BTRC: variants seen among roughly 807,000 people sequenced by gnomAD.
The protein encoded by BTRC is beta-transducin repeat containing E3 ubiquitin protein ligase.
In BTRC, 42 loss-of-function variants were observed where a neutral mutation model predicts 85.5. The ratio of observed to expected loss-of-function variants is 0.49; its 90% CI spans 0.38 to 0.64. The LOEUF is 0.64. Ranked by LOEUF, BTRC falls within the 30% of genes least tolerant of loss-of-function variation. The pLI is 0.00. For synonymous variants in BTRC, 255 were observed against 263.3 expected (o/e 0.97, Z 0.30); for missense variants, 594 against 743.5 (o/e 0.80, Z 2.34).
intron 13 of BTRC, among the ~76,000 whole-genome samples, chr10:101,545,801 CAGA>C: frequency 6.6e-6 from 1 of 152,240 alleles, no homozygotes; most frequent in East Asian, 1.9e-4. Flanking sequence ...TAACACTAGT[CAGA>C]AGAAAGTTGG....
intron 4 of BTRC, among the ~76,000 whole-genome samples, chr10:101,487,181 G>A (rs1466366791): frequency 2.0e-5 from 3 of 152,146 alleles, no homozygotes; most frequent in Non-Finnish European, 4.4e-5. Flanking sequence ...AGGGTTTCTT[G>A]TTATATAAGG....
intron 6 of BTRC, among the ~76,000 whole-genome samples, chr10:101,530,882 A>G (rs1450629862): frequency 1.3e-5 from 2 of 152,210 alleles, no homozygotes; most frequent in African/African-American, 4.8e-5. Context: ...CCTTATAAAT[A>G]TATAATGTCG....
intron 1 of BTRC, among the ~76,000 whole-genome samples, chr10:101,390,195 T>C (rs753278230): frequency 6.6e-6 from 1 of 152,206 alleles, no homozygotes; most frequent in Non-Finnish European, 1.5e-5. Context: ...GTCACTCACT[T>C]TCTTTTTTTT....
At chr10:101,363,175 G>GCAT (rs1252456292) in intron 1 of BTRC, among the ~76,000 whole-genome samples, 1 of 152,278 alleles carries the variant, frequency 6.6e-6, no homozygotes, top group East Asian at 1.9e-4. Context: ...GATAGATTCA[G>GCAT]TATTATTATT....
At chr10:101,383,326 T>C (rs1279098321) in intron 1 of BTRC, among the ~76,000 whole-genome samples, 3 of 151,854 alleles carry the variant, frequency 2.0e-5, no homozygotes, top group Admixed American at 1.3e-4. Flanking sequence ...TTCTAACTAG[T>C]TTATAGGTGA....
intron 1 of BTRC, among the ~76,000 whole-genome samples, chr10:101,417,100 A>G (rs1438959289): frequency 6.6e-6 from 1 of 152,156 alleles, no homozygotes; most frequent in African/African-American, 2.4e-5. Flanking sequence ...AAACCAGAAC[A>G]TTCTCCCATA....
chr10:101,360,617 C>T (rs536750659), intron 1 of BTRC, among the ~76,000 whole-genome samples: 8 of 151,912 alleles, frequency 5.3e-5, no homozygotes, highest in Admixed American at 1.3e-4. Flanking sequence ...GTGATCCGAC[C>T]GCCTCGGCCT....
At chr10:101,385,366 CAAAAAA>C (rs10718968) in intron 1 of BTRC, among the ~76,000 whole-genome samples, 1 of 82,924 alleles carries the variant, frequency 1.2e-5, no homozygotes, top group African/African-American at 4.3e-5. Flanking sequence ...GACTCTGTCT[CAAAAAA>C]AAAAAAAAAA....
intron 1 of BTRC, among the ~76,000 whole-genome samples, chr10:101,372,240 C>T (rs1051864998): frequency 8.6e-5 from 13 of 151,080 alleles, no homozygotes; most frequent in South Asian, 2.1e-4. Context: ...TGGCCTTTTG[C>T]GTTTTCTTTT....
chr10:101,371,420 G>T (rs990658623), intron 1 of BTRC, among the ~76,000 whole-genome samples: 4 of 151,952 alleles, frequency 2.6e-5, no homozygotes. Context: ...CAGGTGATCC[G>T]CCCGCCTCGG....
intron 13 of BTRC, among the ~76,000 whole-genome samples, chr10:101,550,094 C>T (rs919214968): frequency 1.3e-5 from 2 of 152,026 alleles, no homozygotes; most frequent in African/African-American, 4.8e-5. Context: ...AGATAAAAAC[C>T]AGGGAGGTAG....
intron 1 of BTRC, among the ~76,000 whole-genome samples, chr10:101,417,934 T>A (rs1035010584): frequency 6.6e-6 from 1 of 152,194 alleles, no homozygotes; most frequent in Non-Finnish European, 1.5e-5. Flanking sequence ...GGGTTACAGG[T>A]GTGACCCACC....
chr10:101,359,328 A>C (rs1046051990), intron 1 of BTRC, among the ~76,000 whole-genome samples: 3 of 152,130 alleles, frequency 2.0e-5, no homozygotes, highest in African/African-American at 7.2e-5. Context: ...TGTATACTTT[A>C]CCTATTCCCA....
chr10:101,400,162 T>C (rs529369959), intron 1 of BTRC, among the ~76,000 whole-genome samples: 1 of 152,354 alleles, frequency 6.6e-6, no homozygotes, highest in Admixed American at 6.5e-5. Flanking sequence ...TTATTTCATA[T>C]ATTGTAGCTG....
intron 1 of BTRC, among the ~76,000 whole-genome samples, chr10:101,427,113 CT>C (rs138285266): frequency 0.021 from 2,262 of 109,326 alleles, 4 homozygotes; most frequent in Non-Finnish European, 0.029. Flanking sequence ...TTTTTTCTTT[CT>C]TTTTTTTTTT....
chr10:101,490,213 C>T (rs918708935), intron 4 of BTRC, among the ~76,000 whole-genome samples: 3 of 151,522 alleles, frequency 2.0e-5, no homozygotes, highest in Non-Finnish European at 2.9e-5. Flanking sequence ...CCCTTCTTCC[C>T]TCCCTCACTC....
At chr10:101,492,450 T>G (rs1946157624) in intron 4 of BTRC, among the ~76,000 whole-genome samples, 1 of 152,204 alleles carries the variant, frequency 6.6e-6, no homozygotes, top group Non-Finnish European at 1.5e-5. Flanking sequence ...GTGCTTTTAT[T>G]TACATCTATG....
intron 3 of BTRC, among the ~76,000 whole-genome samples, chr10:101,472,314 CTTCTCTTCT>C (rs761404337): frequency 1.0e-4 from 15 of 148,282 alleles, no homozygotes; most frequent in Non-Finnish European, 3.0e-5. Context: ...CTTCTCTTCT[CTTCTCTTCT>C]CTCTCTTCTT....
At chr10:101,529,584 C>T (rs1395993041) in intron 6 of BTRC, among the ~76,000 whole-genome samples, 2 of 152,182 alleles carry the variant, frequency 1.3e-5, no homozygotes, top group Non-Finnish European at 2.9e-5. Flanking sequence ...GGAATTCTTT[C>T]ATAACGCATC....
Sources: allele counts gnomAD v4.1 joint callset (sites outside exome capture counted in the v4.1 genomes callset), GRCh38; gene constraint gnomAD v4.1.1; transcripts MANE v1.5; gene names NCBI Gene and HGNC (gene_info 2026-07-23, HGNC 2026-07-21).